CBLB: variants seen among roughly 807,000 people sequenced by gnomAD.
CBLB encodes Cbl proto-oncogene B.
CBLB carries 31 observed loss-of-function variants against 104.9 expected under a neutral mutation model. The ratio of observed to expected loss-of-function variants is 0.30; its 90% confidence interval spans 0.22 to 0.40. The LOEUF is 0.40. Among genes scored for constraint, CBLB ranks in the 10% least tolerant of loss-of-function variants. The pLI, the probability that CBLB is intolerant of heterozygous loss-of-function variation, is 1.00. For synonymous variants in CBLB, 440 were observed against 422.6 expected, an observed-to-expected ratio of 1.04 and a Z score of -0.51; for missense variants, 1,062 against 1,214.6, an observed-to-expected ratio of 0.87 and a Z score of 1.87.
chr3:105,768,005 C>G (rs1166487669), intron 4 of CBLB, among the ~76,000 whole-genome samples: 1 of 152,156 alleles, frequency 6.6e-6, no homozygotes, highest in Non-Finnish European at 1.5e-5. Context: ...AATGCACATT[C>G]CTCTACTTCT....
intron 3 of CBLB, among the ~76,000 whole-genome samples, chr3:105,828,743 A>G (rs2086974491): frequency 6.6e-6 from 1 of 152,206 alleles, no homozygotes; most frequent in African/African-American, 2.4e-5. Context: ...CATAAAATAT[A>G]AACTGAAATA....
At chr3:105,705,983 T>C (rs1467036631) in intron 10 of CBLB, among the ~76,000 whole-genome samples, 2 of 151,750 alleles carry the variant, frequency 1.3e-5, no homozygotes, top group African/African-American at 4.8e-5. Context: ...TAATTTTTTA[T>C]TTTTTTTAAA....
At position 105,683,301 on chromosome 3, in the gene CBLB, G is replaced by C. The variant is rs561172091; in HGVS notation, c.2202-1483C>G. Among the ~76,000 whole-genome samples, 220 of 152,274 alleles carry C rather than the reference G, an allele frequency of 1.4e-3. 1 individual carries two copies. The highest frequency in any genetic ancestry group is 3.8e-3 in the African/African-American group (158 of 41,550). ...AGGGAAAGAAAGTGTTAAGCTTAAA[G>C]AGCTCTTTGGAGAGCACAAAAGAAG... is the stretch of plus-strand genomic sequence containing the variant. On this transcript the variant is annotated intron_variant, in intron 14 of 18. Coordinates refer to ENST00000394030, the MANE Select transcript of CBLB (RefSeq NM_170662.5).
At chr3:105,814,942 C>A (rs1365163148) in intron 3 of CBLB, among the ~76,000 whole-genome samples, 4 of 121,446 alleles carry the variant, frequency 3.3e-5, no homozygotes, top group Non-Finnish European at 4.8e-5. Flanking sequence ...CACCCTGTAT[C>A]TCCTGCCCCT....
At chr3:105,868,162 C>G (rs1014962689) in intron 1 of CBLB, 2 of 1,211,292 alleles carry the variant, frequency 1.7e-6, no homozygotes, top group African/African-American at 1.6e-5. Context: ...TACGGACACA[C>G]GAACACCTTT....
chr3:105,721,106 C>G (rs989350452), intron 9 of CBLB, among the ~76,000 whole-genome samples: 1 of 152,148 alleles, frequency 6.6e-6, no homozygotes, highest in Admixed American at 6.5e-5. Flanking sequence ...ATATTCTCCA[C>G]CCGATTTTTG....
intron 9 of CBLB, among the ~76,000 whole-genome samples, chr3:105,731,742 G>A (rs969304693): frequency 4.6e-5 from 7 of 152,208 alleles, no homozygotes; most frequent in Admixed American, 2.6e-4. Context: ...GGTGTGAGCC[G>A]CCATGCCTGG....
intron 3 of CBLB, among the ~76,000 whole-genome samples, chr3:105,800,930 G>T (rs2082783253): frequency 6.6e-6 from 1 of 151,912 alleles, no homozygotes; most frequent in Admixed American, 6.6e-5. Flanking sequence ...TTGTCAAAAA[G>T]AACTGATCCA....
intron 18 of CBLB, among the ~76,000 whole-genome samples, chr3:105,662,579 A>T (rs1237445921): frequency 6.6e-6 from 1 of 152,200 alleles, no homozygotes; most frequent in Non-Finnish European, 1.5e-5. Flanking sequence ...CTGGGTTACC[A>T]ATTTTCTTAA....
At chr3:105,708,891 T>C (rs2070638074) in intron 10 of CBLB, among the ~76,000 whole-genome samples, 1 of 152,024 alleles carries the variant, frequency 6.6e-6, no homozygotes, top group Non-Finnish European at 1.5e-5. Flanking sequence ...TGGATTATTT[T>C]GATGTAAAAG....
At chr3:105,670,575 A>C (rs553150646) in intron 17 of CBLB, 1 of 513,844 alleles carries the variant, frequency 1.9e-6, no homozygotes, top group East Asian at 3.5e-5. Flanking sequence ...AATAAAGACT[A>C]CTTGTTTTAT....
In CBLB at chr3:105,659,005, A is replaced by T; in HGVS notation, c.2914T>A (p.Phe972Ile). 6.2e-7 allele frequency: 1 copy of T among 1,613,954 alleles called. No individual in the cohort carries two copies. The highest frequency in any genetic ancestry group is 8.5e-7 in the Non-Finnish European group (1 of 1,179,908). Reference sequence around the variant, plus strand: ...AGACGTGGGGATACTGGAGGAGGGAAGGCAAATTCTCGGAGGATGCTCCGG... The same window carrying T: ...AGACGTGGGGATACTGGAGGAGGGATGGCAAATTCTCGGAGGATGCTCCGG... The part of the protein sequence containing the change: ...VARSILREFA[F>I]PPPVSPRLNL The change falls in exon 19 of 19, where the codon TTC (phenylalanine) becomes ATC (isoleucine). Residue 972 changes from phenylalanine (F) to isoleucine (I), a missense_variant. Physicochemically the swap from Phe to Ile is conservative, Grantham distance 21. Transcript: ENST00000394030.
In CBLB at chr3:105,693,544, A is replaced by G. The variant is rs2067985137; in HGVS notation, c.2004T>C (p.Pro668=). 2 of 1,612,702 alleles carry G rather than the reference A, an allele frequency of 1.2e-6. No homozygotes were observed. Among genetic ancestry groups the G allele is most frequent in the Non-Finnish European group, 1.7e-6 (2 of 1,179,050 alleles). The stretch of plus-strand genomic sequence containing the variant: ...CTGGAGGAGGAGGAGAAAGCCGGGG[A>G]GGAACATCATATTCTTCACTTCCAA... ...GHLGSEEYDV[P]PRLSPPPPVT... Residue 668 remains proline, a synonymous_variant, in exon 13 of 19, where the codon CCT becomes CCC. Coordinates refer to ENST00000394030, the MANE Select transcript of CBLB (RefSeq NM_170662.5).
intron 10 of CBLB, among the ~76,000 whole-genome samples, chr3:105,719,414 T>C (rs1047635961): frequency 1.8e-4 from 28 of 152,230 alleles, no homozygotes; most frequent in African/African-American, 6.0e-4. Flanking sequence ...GTCAACATTA[T>C]AGTAGTTGTG....
At chr3:105,706,667 C>A (rs1348815657) in intron 10 of CBLB, among the ~76,000 whole-genome samples, 1 of 152,094 alleles carries the variant, frequency 6.6e-6, no homozygotes, top group Middle Eastern at 3.2e-3. Context: ...AAATTATATT[C>A]TCTGAGAACT....
chr3:105,683,106 C>T (rs776039770), intron 14 of CBLB, among the ~76,000 whole-genome samples: 3 of 152,198 alleles, frequency 2.0e-5, no homozygotes, highest in Non-Finnish European at 4.4e-5. Context: ...GGCCACTTCT[C>T]TTTAAGGGGC....
intron 3 of CBLB, among the ~76,000 whole-genome samples, chr3:105,807,954 C>T (rs542395107): frequency 6.6e-6 from 1 of 152,280 alleles, no homozygotes; most frequent in Admixed American, 6.5e-5. Flanking sequence ...AGTCATTACA[C>T]TATCATTGTG....
chr3:105,742,293 C>G (rs1358659867), intron 6 of CBLB, among the ~76,000 whole-genome samples: 1 of 152,104 alleles, frequency 6.6e-6, no homozygotes, highest in Admixed American at 6.5e-5. Flanking sequence ...ATAAATGTAA[C>G]TTGAAAGATA....
At chr3:105,792,138 T>C (rs921683025) in intron 3 of CBLB, among the ~76,000 whole-genome samples, 1 of 152,176 alleles carries the variant, frequency 6.6e-6, no homozygotes, top group Non-Finnish European at 1.5e-5. Flanking sequence ...ATATATACTT[T>C]AATAAGATCC....
Sources: allele counts gnomAD v4.1 joint callset (sites outside exome capture counted in the v4.1 genomes callset), GRCh38; gene constraint gnomAD v4.1.1; transcripts MANE v1.5; gene names NCBI Gene and HGNC (gene_info 2026-07-23, HGNC 2026-07-21).